The following DGKI variants were observed in gnomAD, a reference collection of about 807,000 sequenced individuals.
DGKI encodes the protein diacylglycerol kinase iota, also known as DAG kinase iota.
A neutral mutation model predicts 147.5 loss-of-function variants in DGKI; 55 were observed. The observed-to-expected ratio is 0.37, with a 90% CI of 0.30 to 0.47. DGKI has a LOEUF of 0.47. DGKI is among the 20% of genes least tolerant of loss of function. DGKI has a pLI of 1.00. For missense variants in DGKI, 1,007 were observed against 1,323.8 expected (o/e 0.76, Z 3.71); for synonymous variants, 469 against 477.1 (o/e 0.98, Z 0.22).
intron 17 of DGKI, among the ~76,000 whole-genome samples, chr7:137,576,756 A>G (rs994893339): frequency 6.6e-6 from 1 of 152,172 alleles, no homozygotes; most frequent in African/African-American, 2.4e-5. Flanking sequence ...TCGTTCTAAA[A>G]TGGAGATTAT....
At position 137,412,152 on chromosome 7, in the gene DGKI, G is replaced by A. The variant is rs756280031; in HGVS notation, c.2799+18C>T. ...GTTCTTAAAGCATCGCCAAAGATTT[G>A]GTAGGAAGATATCTTACCTTCATAA... is the stretch of plus-strand genomic sequence containing the variant. On this transcript the variant is annotated intron_variant, in intron 29 of 32. Coordinates refer to ENST00000614521, the MANE Select transcript of DGKI (RefSeq NM_001321708.2). 6.2e-7 allele frequency: 1 copy of A among 1,611,076 alleles called. No homozygotes were observed. The highest frequency in any genetic ancestry group is 1.1e-5 in the South Asian group (1 of 91,020).
intron 26 of DGKI, 119 bp from the exon 27 acceptor site, chr7:137,463,730 A>C (rs998363022): frequency 7.9e-6 from 9 of 1,132,954 alleles, no homozygotes; most frequent in Non-Finnish European, 1.1e-5. Context: ...ATCTTTATGA[A>C]GTGTTTACCA....
intron 19 of DGKI, among the ~76,000 whole-genome samples, chr7:137,554,799 C>T (rs1723119): frequency 0.11 from 16,550 of 151,658 alleles, 2,035 homozygotes; most frequent in African/African-American, 0.3. Context: ...AGGAAAAAAT[C>T]TGTGACATGG....
intron 20 of DGKI, among the ~76,000 whole-genome samples, chr7:137,528,297 G>A (rs772379302): frequency 1.1e-4 from 16 of 152,170 alleles, no homozygotes; most frequent in African/African-American, 9.6e-5. Context: ...TAAAAAGACA[G>A]AAGAACCTAC....
In DGKI at chr7:137,719,709, G is replaced by A. The variant is rs75644303; in HGVS notation, c.402-29707C>T. Among the ~76,000 whole-genome samples the A allele has an allele frequency of 8.4e-3, 1,277 of 152,224 alleles. 22 individuals carry two copies. Among genetic ancestry groups the A allele is most frequent in the African/African-American group, 0.03 (1,228 of 41,534 alleles). Reference sequence around the variant, plus strand: ...ACTACAGATGGGACAGGAGTAAGGAGAAATAAGTACTCTCTAGCTGGAATT... The same window carrying A: ...ACTACAGATGGGACAGGAGTAAGGAAAAATAAGTACTCTCTAGCTGGAATT... On this transcript the variant is annotated intron_variant, in intron 1 of 32. Transcript: ENST00000614521.
At chr7:137,524,312 C>T (rs903159053) in intron 20 of DGKI, among the ~76,000 whole-genome samples, 2 of 152,056 alleles carry the variant, frequency 1.3e-5, no homozygotes, top group African/African-American at 2.4e-5. Context: ...CATGGAGACA[C>T]GTCCAACAAG....
chr7:137,583,585 A>G (rs551075644), intron 14 of DGKI, among the ~76,000 whole-genome samples: 160 of 152,270 alleles, frequency 1.1e-3, no homozygotes, highest in Middle Eastern at 3.4e-3. Flanking sequence ...CATCTCTTTA[A>G]AAACCCATTT....
intron 1 of DGKI, among the ~76,000 whole-genome samples, chr7:137,736,420 T>C (rs1206794485): frequency 1.3e-5 from 2 of 152,144 alleles, no homozygotes; most frequent in Non-Finnish European, 2.9e-5. Context: ...GCAAATTATT[T>C]AGCTCCTCTA....
intron 1 of DGKI, among the ~76,000 whole-genome samples, chr7:137,776,877 A>T (rs1159997742): frequency 6.6e-6 from 1 of 152,108 alleles, no homozygotes; most frequent in African/African-American, 2.4e-5. Context: ...GATAATAATC[A>T]ATTGTAAGAA....
chr7:137,501,768 C>A (rs1239251004), intron 21 of DGKI, among the ~76,000 whole-genome samples: 2 of 152,146 alleles, frequency 1.3e-5, no homozygotes, highest in Non-Finnish European at 2.9e-5. Flanking sequence ...CTCCCAGATG[C>A]TGAATTGAGC....
chr7:137,737,624 A>G (rs1339712400), intron 1 of DGKI, among the ~76,000 whole-genome samples: 1 of 152,076 alleles, frequency 6.6e-6, no homozygotes, highest in Non-Finnish European at 1.5e-5. Context: ...CTATCAACCC[A>G]AATTACATCT....
chr7:137,619,151 A>G (rs1002713933), intron 8 of DGKI, among the ~76,000 whole-genome samples: 1 of 152,194 alleles, frequency 6.6e-6, no homozygotes, highest in Non-Finnish European at 1.5e-5. Context: ...GCTAACTGTC[A>G]AGGATGTATA....
intron 23 of DGKI, 99 bp from the exon 24 acceptor site, chr7:137,469,718 T>A: frequency 9.9e-7 from 1 of 1,007,494 alleles, no homozygotes; most frequent in Non-Finnish European, 1.4e-6. Flanking sequence ...AAAGCACTGG[T>A]GAGAAGAGCA....
At chr7:137,422,007 G>C (rs1182753663) in intron 28 of DGKI, among the ~76,000 whole-genome samples, 2 of 152,274 alleles carry the variant, frequency 1.3e-5, no homozygotes, top group Non-Finnish European at 1.5e-5. Context: ...GTGTTTGTTA[G>C]TTGCATCTAG....
At chr7:137,813,814 C>T (rs1585524607) in intron 1 of DGKI, among the ~76,000 whole-genome samples, 1 of 152,268 alleles carries the variant, frequency 6.6e-6, no homozygotes, top group African/African-American at 2.4e-5. Context: ...GAATTTCAAG[C>T]TGCATTTAGT....
chr7:137,546,581 A>T (rs368243302), intron 20 of DGKI, among the ~76,000 whole-genome samples: 2 of 152,308 alleles, frequency 1.3e-5, no homozygotes, highest in East Asian at 1.9e-4. Context: ...TTCCACCCAC[A>T]TTCTGGGTAG....
chr7:137,620,372 G>C (rs1016943387), intron 7 of DGKI, among the ~76,000 whole-genome samples: 16 of 152,064 alleles, frequency 1.1e-4, no homozygotes, highest in Admixed American at 1.0e-3. Flanking sequence ...CCATGGACTT[G>C]GTTGATCTAA....
At chr7:137,675,722 G>GTCCAAC (rs1823013508) in intron 3 of DGKI, among the ~76,000 whole-genome samples, 1 of 148,042 alleles carries the variant, frequency 6.8e-6, no homozygotes, top group Non-Finnish European at 1.5e-5. Flanking sequence ...AGACTCTCAA[G>GTCCAAC]TCCAACTCCA....
chr7:137,481,712 G>A (rs1025461987), intron 23 of DGKI, among the ~76,000 whole-genome samples: 139 of 151,998 alleles, frequency 9.1e-4, no homozygotes, highest in African/African-American at 3.2e-3. Context: ...TGCTTAAGTG[G>A]CGAGAAACTG....
Sources: allele counts gnomAD v4.1 joint callset (sites outside exome capture counted in the v4.1 genomes callset), GRCh38; gene constraint gnomAD v4.1.1; transcripts MANE v1.5; gene names NCBI Gene and HGNC (gene_info 2026-07-23, HGNC 2026-07-21).